The following GPC5 variants were observed in gnomAD, a reference collection of about 807,000 sequenced individuals.
The protein encoded by GPC5 is glypican 5, also known as glypican-5.
A neutral mutation model predicts 53.9 loss-of-function variants in GPC5; 47 were observed. The observed-to-expected ratio is 0.87, with a 90% CI of 0.69 to 1.11. GPC5 has a LOEUF of 1.11. GPC5 is among the 50% of genes most tolerant of loss of function. GPC5 has a pLI of 0.00. For missense variants in GPC5, 748 were observed against 713.1 expected (o/e 1.05, Z -0.56); for synonymous variants, 286 against 263.3 (o/e 1.09, Z -0.84).
Position 92,119,390 on chromosome 13 carries a change from G to GTTTTTTT in GPC5, c.1402-25421_1402-25415dup, listed in dbSNP as rs386380215. On this transcript the variant is annotated intron_variant, in intron 6 of 7. Transcript: ENST00000377067. Reference sequence around the variant, plus strand: ...TATATACATTCACATTAGGATTTTAGTTTTTTTTTTTTTTTTTTTTTTTTT... The same window carrying GTTTTTTT: ...TATATACATTCACATTAGGATTTTAGTTTTTTTTTTTTTTTTTTTTTTTTTTTTTTTT... 2.8e-3 allele frequency among the ~76,000 whole-genome samples: 184 copies of GTTTTTTT among 65,682 alleles called. 10 individuals carry two copies. Among genetic ancestry groups the GTTTTTTT allele is most frequent in the East Asian group, 8.7e-3 (18 of 2,080 alleles). The allele number at this position is 65,682 out of a possible 152,430, so 43.1% of individuals were successfully genotyped here. A position where few individuals can be genotyped will look rare whatever the true frequency, so the allele number is the denominator to read the frequency against.
chr13:92,375,677 C>T (rs149604148), intron 7 of GPC5, among the ~76,000 whole-genome samples: 1 of 152,262 alleles, frequency 6.6e-6, no homozygotes, highest in Non-Finnish European at 1.5e-5. Flanking sequence ...ATCTACAGGG[C>T]AGGCTGTCAA....
chr13:91,680,363 C>T (rs1160093943), intron 2 of GPC5, among the ~76,000 whole-genome samples: 1 of 152,188 alleles, frequency 6.6e-6, no homozygotes, highest in African/African-American at 2.4e-5. Context: ...GCAGGAGAAT[C>T]ACTTGAACCA....
rs1178381285 is a variant in GPC5 at position 91,811,065 on chromosome 13, T to C, written c.1280+54645T>C. On this transcript the variant is annotated intron_variant, in intron 5 of 7. Coordinates refer to ENST00000377067, the MANE Select transcript of GPC5 (RefSeq NM_004466.6). ...CTAACTCGTGTCTGCCTTCATTAAA[T>C]TTCAAAATCGTTAAAACTGTCACAA... Among the ~76,000 whole-genome samples, 3 of 151,950 alleles carry C rather than the reference T, an allele frequency of 2.0e-5. No individual in the cohort carries two copies. In the South Asian group the frequency reaches 6.2e-4, roughly 31 times the overall value.
At chr13:91,526,913 G>C (rs952014332) in intron 2 of GPC5, among the ~76,000 whole-genome samples, 2 of 152,076 alleles carry the variant, frequency 1.3e-5, no homozygotes, top group African/African-American at 4.8e-5. Context: ...GATGTCATGA[G>C]AATTCCCTCA....
chr13:92,190,704 A>G (rs995169918), intron 7 of GPC5, among the ~76,000 whole-genome samples: 3 of 152,148 alleles, frequency 2.0e-5, no homozygotes, highest in African/African-American at 7.2e-5. Flanking sequence ...CCATTTTAAA[A>G]ACTAAAAAAT....
chr13:91,576,512 A>G (rs1340804083), intron 2 of GPC5, among the ~76,000 whole-genome samples: 1 of 152,192 alleles, frequency 6.6e-6, no homozygotes, highest in East Asian at 1.9e-4. Context: ...GAGATTCCTA[A>G]CGGGTAACAG....
At chr13:92,290,727 C>A (rs1016810049) in intron 7 of GPC5, among the ~76,000 whole-genome samples, 8 of 152,180 alleles carry the variant, frequency 5.3e-5, no homozygotes, top group Non-Finnish European at 1.0e-4. Flanking sequence ...AGCGTGCTGG[C>A]AGTCCTCACA....
intron 6 of GPC5, among the ~76,000 whole-genome samples, chr13:92,032,284 G>A (rs769800240): frequency 1.2e-4 from 18 of 150,656 alleles, no homozygotes; most frequent in Admixed American, 1.3e-4. Flanking sequence ...TGGGGACTCC[G>A]GGGAAAGGGT....
intron 7 of GPC5, among the ~76,000 whole-genome samples, chr13:92,408,753 A>G (rs929317531): frequency 1.5e-4 from 23 of 152,136 alleles, no homozygotes; most frequent in Admixed American, 6.6e-5. Context: ...TTTATGAAAT[A>G]TGAACTGATT....
chr13:92,833,352 G>A (rs1173181906), intron 7 of GPC5, among the ~76,000 whole-genome samples: 2 of 152,062 alleles, frequency 1.3e-5, no homozygotes, highest in African/African-American at 4.8e-5. Context: ...CACCCAAGCA[G>A]ATTTCAGATA....
intron 7 of GPC5, among the ~76,000 whole-genome samples, chr13:92,522,689 G>A (rs1881109339): frequency 6.6e-6 from 1 of 152,024 alleles, no homozygotes; most frequent in African/African-American, 2.4e-5. Context: ...AATGGGTGAA[G>A]CACTCCAACA....
At chr13:92,076,933 G>C (rs1216827268) in intron 6 of GPC5, among the ~76,000 whole-genome samples, 1 of 152,054 alleles carries the variant, frequency 6.6e-6, no homozygotes, top group Admixed American at 6.5e-5. Flanking sequence ...TTATCTCTAA[G>C]GGCAGCCACT....
chr13:92,646,102 A>G (rs1368740776), intron 7 of GPC5, among the ~76,000 whole-genome samples: 2 of 152,026 alleles, frequency 1.3e-5, no homozygotes, highest in Non-Finnish European at 2.9e-5. Flanking sequence ...TCTTTTCCTA[A>G]CCATGTTCAT....
chr13:92,234,580 G>A (rs1334116227), intron 7 of GPC5, among the ~76,000 whole-genome samples: 3 of 151,996 alleles, frequency 2.0e-5, no homozygotes, highest in East Asian at 3.9e-4. Context: ...TTGGGCTGGG[G>A]GGCAATACAT....
chr13:91,646,539 A>G (rs1253163980), intron 2 of GPC5, among the ~76,000 whole-genome samples: 2 of 152,050 alleles, frequency 1.3e-5, no homozygotes, highest in African/African-American at 2.4e-5. Context: ...TTTTTAAATG[A>G]CAAAATGAAA....
chr13:92,730,887 C>T (rs559968943), intron 7 of GPC5, among the ~76,000 whole-genome samples: 6 of 151,366 alleles, frequency 4.0e-5, no homozygotes, highest in African/African-American at 1.2e-4. Context: ...TGGGTCTTAG[C>T]GGGTGGTGAA....
At chr13:92,434,300 T>C (rs1877213531) in intron 7 of GPC5, among the ~76,000 whole-genome samples, 1 of 152,126 alleles carries the variant, frequency 6.6e-6, no homozygotes, top group African/African-American at 2.4e-5. Flanking sequence ...CTATTTTTCT[T>C]GAGTCATTCA....
At chr13:91,718,444 CT>C (rs79227555) in intron 3 of GPC5, among the ~76,000 whole-genome samples, 4 of 151,720 alleles carry the variant, frequency 2.6e-5, no homozygotes, top group Admixed American at 6.6e-5. Flanking sequence ...TTCCCAGTGG[CT>C]TTTTTTTCCC....
intron 7 of GPC5, among the ~76,000 whole-genome samples, chr13:92,333,979 A>G (rs1349689345): frequency 6.6e-6 from 1 of 152,162 alleles, no homozygotes; most frequent in African/African-American, 2.4e-5. Flanking sequence ...ACCAAATACT[A>G]TGGGTCAAAA....
Sources: allele counts gnomAD v4.1 joint callset (sites outside exome capture counted in the v4.1 genomes callset), GRCh38; gene constraint gnomAD v4.1.1; transcripts MANE v1.5; gene names NCBI Gene and HGNC (gene_info 2026-07-23, HGNC 2026-07-21).